Variants in SORCS3 observed in about 807,000 individuals in gnomAD.
SORCS3 encodes sortilin related VPS10 domain containing receptor 3, also known as VPS10 domain-containing receptor SorCS3.
In SORCS3, 57 loss-of-function variants were observed where a neutral mutation model predicts 146.3. That is an observed-to-expected ratio of 0.39 (90% CI 0.31 to 0.49). The LOEUF (loss-of-function observed/expected upper bound fraction) is 0.49, where lower values mean the gene tolerates loss of function less well. SORCS3 is among the 20% of genes least tolerant of loss of function. The probability of loss-of-function intolerance (pLI) is 0.92; values close to 1 mark genes in which losing one functional copy is unlikely to be tolerated. For missense variants in SORCS3, 1,341 were observed against 1,575.5 expected (o/e 0.85, Z 2.52); for synonymous variants, 653 against 618.5 (o/e 1.06, Z -0.83).
intron 1 of SORCS3, among the ~76,000 whole-genome samples, chr10:104,707,896 T>C (rs1196915478): frequency 6.6e-6 from 1 of 152,212 alleles, no homozygotes; most frequent in Non-Finnish European, 1.5e-5. Flanking sequence ...TAATGTCAGA[T>C]ACACTTGGGA....
chr10:104,737,915 C>T (rs1343588777), intron 1 of SORCS3, among the ~76,000 whole-genome samples: 7 of 150,248 alleles, frequency 4.7e-5, no homozygotes, highest in Non-Finnish European at 7.4e-5. Context: ...TTAGGTCTAA[C>T]GTTTAAGTCT....
At chr10:105,135,991 A>C (rs2056056573) in intron 7 of SORCS3, among the ~76,000 whole-genome samples, 1 of 152,168 alleles carries the variant, frequency 6.6e-6, no homozygotes, top group African/African-American at 2.4e-5. Flanking sequence ...GTTTAATGCA[A>C]TATAGGGTTT....
At chr10:105,145,009 G>C (rs1459723891) in intron 8 of SORCS3, among the ~76,000 whole-genome samples, 3 of 152,064 alleles carry the variant, frequency 2.0e-5, no homozygotes, top group Non-Finnish European at 4.4e-5. Context: ...CATCTGGAGG[G>C]CTTGTTCAGA....
intron 3 of SORCS3, among the ~76,000 whole-genome samples, chr10:104,927,739 G>T (rs1038175258): frequency 6.6e-6 from 1 of 152,032 alleles, no homozygotes; most frequent in Non-Finnish European, 1.5e-5. Context: ...TTAGCCAGGC[G>T]TGGTGGCGGG....
At chr10:105,101,939 G>T (rs2055787851) in intron 6 of SORCS3, among the ~76,000 whole-genome samples, 1 of 152,160 alleles carries the variant, frequency 6.6e-6, no homozygotes, top group Admixed American at 6.5e-5. Flanking sequence ...AGACTGTATG[G>T]TTCCAAGAAT....
intron 19 of SORCS3, among the ~76,000 whole-genome samples, chr10:105,219,125 G>A (rs1272453648): frequency 6.6e-6 from 1 of 152,182 alleles, no homozygotes; most frequent in African/African-American, 2.4e-5. Context: ...CCACCACCAG[G>A]TTTGGTGATT....
At chr10:105,186,451 T>G (rs2056477196) in intron 14 of SORCS3, among the ~76,000 whole-genome samples, 1 of 152,190 alleles carries the variant, frequency 6.6e-6, no homozygotes, top group South Asian at 2.1e-4. Context: ...GGTACTGAAC[T>G]TTATACTTTT....
chr10:105,041,676 C>T (rs2055339490), intron 4 of SORCS3, among the ~76,000 whole-genome samples: 1 of 151,942 alleles, frequency 6.6e-6, no homozygotes, highest in Non-Finnish European at 1.5e-5. Flanking sequence ...GAAGTTTATA[C>T]AAAAAATTAT....
At chr10:105,253,010 C>A (rs1030019514) in intron 23 of SORCS3, 104 bp downstream of exon 23, 2 of 1,345,532 alleles carry the variant, frequency 1.5e-6, no homozygotes, top group African/African-American at 2.9e-5. Context: ...TCTTCCATTA[C>A]CCCAACAGCC....
chr10:104,643,745 T>TGTGTGTGTGTGTGTGTG (rs1554841272), intron 1 of SORCS3, among the ~76,000 whole-genome samples: 1 of 147,580 alleles, frequency 6.8e-6, no homozygotes, highest in Non-Finnish European at 1.5e-5. Context: ...TGTGTGTGTG[T>TGTGTGTGTGTGTGTGTG]TGGGGTTCTT....
At chr10:105,192,163 G>A (rs530197998) in intron 14 of SORCS3, among the ~76,000 whole-genome samples, 25 of 152,200 alleles carry the variant, frequency 1.6e-4, no homozygotes, top group East Asian at 3.9e-4. Flanking sequence ...AAACAAAACC[G>A]TGAGTTCTTT....
chr10:105,072,523 C>A (rs1182935611), intron 5 of SORCS3, among the ~76,000 whole-genome samples: 1 of 152,152 alleles, frequency 6.6e-6, no homozygotes, highest in Non-Finnish European at 1.5e-5. Flanking sequence ...AGGAGGCTAA[C>A]CGCTCTGTGC....
chr10:104,996,669 T>C (rs58890562), intron 4 of SORCS3, among the ~76,000 whole-genome samples: 1,731 of 152,286 alleles, frequency 0.011, 28 homozygotes, highest in African/African-American at 0.039. Flanking sequence ...TTCTGGTCAT[T>C]TGTGACTGAG....
At chr10:105,140,626 T>A (rs895437227) in intron 8 of SORCS3, among the ~76,000 whole-genome samples, 3 of 152,046 alleles carry the variant, frequency 2.0e-5, no homozygotes, top group Admixed American at 1.3e-4. Flanking sequence ...AATAAAGGAG[T>A]TAATTCTGCA....
At chr10:104,727,564 T>A (rs1554846983) in intron 1 of SORCS3, among the ~76,000 whole-genome samples, 1 of 148,758 alleles carries the variant, frequency 6.7e-6, no homozygotes, top group Non-Finnish European at 1.5e-5. Flanking sequence ...TATATATATA[T>A]AAGATGCATA....
chr10:104,908,605 T>C (rs932418260), intron 2 of SORCS3, among the ~76,000 whole-genome samples: 1 of 152,226 alleles, frequency 6.6e-6, no homozygotes, highest in African/African-American at 2.4e-5. Flanking sequence ...CTGCTTGTTT[T>C]CTTTATGTAG....
At chr10:104,695,997 CAT>C (rs1389501267) in intron 1 of SORCS3, among the ~76,000 whole-genome samples, 3 of 119,232 alleles carry the variant, frequency 2.5e-5, no homozygotes, top group Non-Finnish European at 5.0e-5. Context: ...TATATACACA[CAT>C]ATAATATATA....
At chr10:104,668,616 A>G (rs548795546) in intron 1 of SORCS3, among the ~76,000 whole-genome samples, 1 of 152,360 alleles carries the variant, frequency 6.6e-6, no homozygotes, top group African/African-American at 2.4e-5. Flanking sequence ...TGTCTCATCA[A>G]AATTAACTGT....
At chr10:105,127,063 A>C (rs543800567) in intron 7 of SORCS3, among the ~76,000 whole-genome samples, 17 of 152,298 alleles carry the variant, frequency 1.1e-4, no homozygotes, top group African/African-American at 3.8e-4. Flanking sequence ...AATGTAAGAC[A>C]TAGTGGAATG....
Sources: allele counts gnomAD v4.1 joint callset (sites outside exome capture counted in the v4.1 genomes callset), GRCh38; gene constraint gnomAD v4.1.1; transcripts MANE v1.5; gene names NCBI Gene and HGNC (gene_info 2026-07-23, HGNC 2026-07-21).